Variants in LRP1 observed in about 807,000 individuals in gnomAD.
LRP1 encodes prolow-density lipoprotein receptor-related protein 1.
In LRP1, 51 loss-of-function variants were observed where a neutral mutation model predicts 541.5. That is an observed-to-expected ratio of 0.09 (90% CI 0.08 to 0.12). The LOEUF is 0.12. Ranked by LOEUF, LRP1 falls within the 10% of genes least tolerant of loss-of-function variation. The pLI is 1.00. For missense variants in LRP1, 3,878 were observed against 6,376.2 expected (o/e 0.61, Z 13.34); for synonymous variants, 2,219 against 2,470.8 (o/e 0.90, Z 3.02).
intron 15 of LRP1, among the ~76,000 whole-genome samples, chr12:57,164,277 T>C (rs548030194): frequency 1.8e-4 from 28 of 152,322 alleles, no homozygotes; most frequent in Admixed American, 1.6e-3. Flanking sequence ...CTGTTACCAT[T>C]TGGGGGAACC....
chr12:57,138,633 C>T (rs546176667), intron 2 of LRP1, 52 bp downstream of exon 2: 4 of 1,601,426 alleles, frequency 2.5e-6, no homozygotes, highest in South Asian at 1.1e-5. Flanking sequence ...TATCCCTCTT[C>T]CTTTGGCAGA....
At chr12:57,141,243 A>G in intron 2 of LRP1, 131 bp from the exon 3 acceptor site, 1 of 944,778 alleles carries the variant, frequency 1.1e-6, no homozygotes, top group Non-Finnish European at 1.6e-6. Context: ...TCCAGGTGGA[A>G]GAGTCTAACT....
Position 57,177,551 on chromosome 12 carries a change from G to A in LRP1, c.4321G>A (p.Val1441Met), listed in dbSNP as rs1333983170. The A allele has an allele frequency of 3.7e-6, 6 of 1,613,944 alleles. No homozygotes were observed. Among genetic ancestry groups the A allele is most frequent in the Admixed American group, 1.7e-5 (1 of 60,030 alleles). Residue 1441 changes from valine (V) to methionine (M), a missense_variant, in exon 26 of 89, where the codon GTG (valine) becomes ATG (methionine). By Grantham distance (21) the Val-to-Met change is conservative (BLOSUM62 1). Around this residue, in one of 13 missense-constraint regions of LRP1, gnomAD observed 54 missense variants for 167.7 expected, o/e 0.32. Coordinates refer to ENST00000243077, the MANE Select transcript of LRP1 (RefSeq NM_002332.3). This position sits in a 1 kb window ranked among gnomAD's most constrained non-coding sequence, Gnocchi z 6.8. ...GSGGWPNGLT[V>M]DYLEKRILWI... ...TGGGGGCTGGCCCAACGGGCTCACCGTGGACTACCTGGAGAAGCGCATCCT... is the reference window on the plus strand; with the variant it reads ...TGGGGGCTGGCCCAACGGGCTCACCATGGACTACCTGGAGAAGCGCATCCT...
At chr12:57,182,679 G>A (rs548097058) in intron 34 of LRP1, among the ~76,000 whole-genome samples, 5 of 151,962 alleles carry the variant, frequency 3.3e-5, no homozygotes, top group African/African-American at 7.3e-5. Context: ...AGCCGGGCAT[G>A]GTGGTGCATG....
chr12:57,154,694 G>A lies in LRP1; in HGVS notation c.1220G>A (p.Gly407Asp), dbSNP rs1282914226. ...EGKGRQTIIQ[G>D]ILIEHLYGLT... is the part of the protein sequence containing the mutation. ...AAGGGCCGCCAGACCATCATCCAGG[G>A]CATCCTGGTGAGGGAGCTACTGTCT... Residue 407 changes from glycine (G) to aspartate (D), a missense_variant, in exon 8 of 89, where the codon GGC becomes GAC. By Grantham distance (94) the Gly-to-Asp change is moderately conservative (BLOSUM62 -1). Transcript: ENST00000243077. This position sits in a 1 kb window ranked among gnomAD's most constrained non-coding sequence, Gnocchi z 4.6. 6.4e-7 allele frequency: 1 copy of A among 1,558,226 alleles called. No individual in the cohort carries two copies. Among genetic ancestry groups the A allele is most frequent in the Non-Finnish European group, 8.7e-7 (1 of 1,150,588 alleles).
Position 57,197,025 on chromosome 12 carries a change from C to A in LRP1, c.8936C>A (p.Thr2979Lys). Residue 2979 changes from threonine (T) to lysine (K), a missense_variant, in exon 56 of 89, where the codon ACG (threonine) becomes AAG (lysine). Physicochemically the swap from Thr to Lys is moderately conservative, Grantham distance 78. Around this residue, in one of 13 missense-constraint regions of LRP1, gnomAD observed 1,100 missense variants for 1,827.4 expected, o/e 0.60. Transcript: ENST00000243077. This position sits in a 1 kb window ranked among gnomAD's most constrained non-coding sequence, Gnocchi z 4.5. ...PGFRLKDDGRTCADVDECSTT... is the reference protein window; with the variant it reads ...PGFRLKDDGRKCADVDECSTT... Reference sequence around the variant, plus strand: ...TTCCGGCTGAAGGACGACGGCCGGACGTGTGCTGATGTGGACGAGTGCAGC... The same window carrying A: ...TTCCGGCTGAAGGACGACGGCCGGAAGTGTGCTGATGTGGACGAGTGCAGC... The A allele has an allele frequency of 6.2e-7, 1 of 1,613,786 alleles. No individual in the cohort carries two copies. The highest frequency in any genetic ancestry group is 8.5e-7 in the Non-Finnish European group (1 of 1,179,980).
At chr12:57,207,938 T>G in intron 76 of LRP1, 100 bp from the exon 77 acceptor site, 1 of 1,337,888 alleles carries the variant, frequency 7.5e-7, no homozygotes, top group Non-Finnish European at 1.0e-6. Flanking sequence ...GTCCTGGCTG[T>G]GAGCCTGGGG....
chr12:57,155,105 G>C (rs1456632088), intron 8 of LRP1: 1 of 431,076 alleles, frequency 2.3e-6, no homozygotes, highest in African/African-American at 2.0e-5. Context: ...CTCAGAGGTG[G>C]CATCTCCATT....
In LRP1 at chr12:57,154,192, C is replaced by G; in HGVS notation, c.842-16C>G. On this transcript the variant is annotated splice_polypyrimidine_tract_variant and intron_variant, in intron 6 of 88. Coordinates refer to ENST00000243077, the MANE Select transcript of LRP1 (RefSeq NM_002332.3). This position sits in a 1 kb window ranked among gnomAD's most constrained non-coding sequence, Gnocchi z 4.6. ...GGCCTACCCCACCCCATGGCTCTTT[C>G]ATTCGTACTCTCCAGACGTGGAACA... 2 of 1,605,880 alleles carry G rather than the reference C, an allele frequency of 1.2e-6. No homozygotes were observed. Among genetic ancestry groups the G allele is most frequent in the Non-Finnish European group, 1.7e-6 (2 of 1,173,478 alleles).
chr12:57,205,338 C>A lies in LRP1; in HGVS notation c.11336-13C>A. On this transcript the variant is annotated splice_polypyrimidine_tract_variant and intron_variant, in intron 73 of 88. Coordinates refer to ENST00000243077, the MANE Select transcript of LRP1 (RefSeq NM_002332.3). The surrounding 1 kb of genome is among the most constrained non-coding windows in gnomAD (Gnocchi z 4.6). Reference sequence around the variant, plus strand: ...TGGCTCAAGGGAGGGCATCCACTCTCTGTCCCCCACAGACCCCAAGCTGAC... The same window carrying A: ...TGGCTCAAGGGAGGGCATCCACTCTATGTCCCCCACAGACCCCAAGCTGAC... 1 of 1,594,758 alleles carries A rather than the reference C, an allele frequency of 6.3e-7. No homozygotes were observed. Among genetic ancestry groups the A allele is most frequent in the Non-Finnish European group, 8.5e-7 (1 of 1,169,618 alleles).
At position 57,185,035 on chromosome 12, in the gene LRP1, C is replaced by T. The variant is rs374172955; in HGVS notation, c.6338+45C>T. On this transcript the variant is annotated intron_variant, in intron 39 of 88. Coordinates refer to ENST00000243077, the MANE Select transcript of LRP1 (RefSeq NM_002332.3). The surrounding 1 kb of genome is among the most constrained non-coding windows in gnomAD (Gnocchi z 4.9). Reference sequence around the variant, plus strand: ...CCTCCTCAGCTGATCTCTTCCTTCCCTCCTGCCTCCACTGATGCCCTGCTT... The same window carrying T: ...CCTCCTCAGCTGATCTCTTCCTTCCTTCCTGCCTCCACTGATGCCCTGCTT... 4.3e-5 allele frequency: 70 copies of T among 1,613,820 alleles called. No homozygotes were observed. Among genetic ancestry groups the T allele is most frequent in the Non-Finnish European group, 5.1e-5 (60 of 1,179,834 alleles).
chr12:57,194,879 C>G, intron 50 of LRP1, 106 bp from the exon 51 acceptor site: 3 of 1,167,728 alleles, frequency 2.6e-6, no homozygotes, highest in Non-Finnish European at 3.8e-6. Context: ...AGCCCCCCCA[C>G]AGAGGGGTGC....
chr12:57,195,681 C>T lies in LRP1; in HGVS notation c.8461C>T (p.Arg2821Cys), dbSNP rs889083348. 3.1e-6 allele frequency: 5 copies of T among 1,614,092 alleles called. No homozygotes were observed. The highest frequency in any genetic ancestry group is 2.2e-5 in the East Asian group (1 of 44,886). Residue 2821 changes from arginine to cysteine, a missense_variant, in exon 53 of 89, where the codon CGT (arginine) becomes TGT (cysteine). This residue lies in a region of LRP1 where 1,100 missense variants were observed against 1,827.4 expected (regional missense o/e 0.60). Transcript: ENST00000243077. Reference protein sequence around the residue: ...GCLYNSTCDDREFMCQNRQCI... With the variant: ...GCLYNSTCDDCEFMCQNRQCI... ...AGTGTACAACAGCACTTGTGACGAC[C>T]GTGAGTTCATGTGCCAGAACCGCCA...
chr12:57,192,997 G>A, intron 45 of LRP1, 27 bp downstream of exon 45: 4 of 1,608,540 alleles, frequency 2.5e-6, no homozygotes, highest in Non-Finnish European at 3.4e-6. Context: ...GGAGGGGCTG[G>A]CGGGGAACCC....
intron 1 of LRP1, chr12:57,132,234 A>G (rs1174881313): frequency 6.6e-6 from 1 of 152,286 alleles, no homozygotes; most frequent in Non-Finnish European, 1.5e-5. Flanking sequence ...TTCCGGTGCA[A>G]TGGCCTCAGG....
Position 57,184,937 on chromosome 12 carries a change from C to T in LRP1, c.6285C>T (p.Asn2095=), listed in dbSNP as rs1245364845. ...ENREVVLSSN[N]MDMFSVSVFE... The stretch of plus-strand genomic sequence containing the variant: ...GCGAGGTGGTTCTGTCCAGCAACAA[C>T]ATGGACATGTTTTCAGTGTCTGTGT... Residue 2095 remains asparagine (N), a synonymous_variant, in exon 39 of 89, where the codon AAC becomes AAT. Transcript: ENST00000243077. The surrounding 1 kb of genome is among the most constrained non-coding windows in gnomAD (Gnocchi z 7.8). 5 of 1,614,162 alleles carry T rather than the reference C, an allele frequency of 3.1e-6. No homozygotes were observed. Among genetic ancestry groups the T allele is most frequent in the Admixed American group, 1.7e-5 (1 of 60,026 alleles).
chr12:57,162,475 C>G lies in LRP1; in HGVS notation c.2361C>G (p.Pro787=). The change falls in exon 14 of 89, where the codon CCC becomes CCG. Residue 787 remains proline (P), a synonymous_variant. Transcript: ENST00000243077. This position sits in a 1 kb window ranked among gnomAD's most constrained non-coding sequence, Gnocchi z 5.2. ...TGACCCTTCTGCGCAGTGAGCGGCC[C>G]CCCATCTTTGAGATCCGAATGTATG... The part of the protein sequence containing the change: ...PTVTLLRSER[P]PIFEIRMYDA... 6.2e-7 allele frequency: 1 copy of G among 1,614,068 alleles called. No individual in the cohort carries two copies.
intron 60 of LRP1, among the ~76,000 whole-genome samples, 157 bp downstream of exon 60, chr12:57,198,827 C>T (rs1465298379): frequency 6.6e-6 from 1 of 152,164 alleles, no homozygotes; most frequent in African/African-American, 2.4e-5. Context: ...TCAGAGCACC[C>T]CGGGGGCTTC....
chr12:57,205,266 G>T lies in LRP1; in HGVS notation c.11335+17G>T, dbSNP rs1378120157. 1 of 1,605,466 alleles carries T rather than the reference G, an allele frequency of 6.2e-7. No individual in the cohort carries two copies. Among genetic ancestry groups the T allele is most frequent in the African/African-American group, 1.3e-5 (1 of 74,828 alleles). The stretch of plus-strand genomic sequence containing the variant: ...GCAGCATCGGTGAGGCCCGGCAGCG[G>T]ACCGGACGCTGGTGGGGAGTGGGGA... On this transcript the variant is annotated intron_variant, in intron 73 of 88. Coordinates refer to ENST00000243077, the MANE Select transcript of LRP1 (RefSeq NM_002332.3). This position sits in a 1 kb window ranked among gnomAD's most constrained non-coding sequence, Gnocchi z 4.6.
Sources: gnomAD v4.1 joint callset for allele counts (sites outside exome capture counted in the v4.1 genomes callset) on GRCh38, gnomAD v4.1.1 for gene constraint, gnomAD v4.1.1 regional missense constraint, Gnocchi (gnomAD v3.1) non-coding constraint, MANE v1.5 for transcripts, NCBI Gene and HGNC (gene_info 2026-07-23, HGNC 2026-07-21) for gene names.